The following L3MBTL1 variants were observed in gnomAD, a reference collection of about 807,000 sequenced individuals.
The protein encoded by L3MBTL1 is lethal(3)malignant brain tumor-like protein 1.
In L3MBTL1, 75 loss-of-function variants were observed where a neutral mutation model predicts 105.3. The ratio of observed to expected loss-of-function variants is 0.71; its 90% confidence interval spans 0.59 to 0.86. The LOEUF (loss-of-function observed/expected upper bound fraction) is 0.86. L3MBTL1 is among the 40% of genes least tolerant of loss of function. The pLI is 0.00. For missense variants in L3MBTL1, 1,069 were observed against 1,126.4 expected (o/e 0.95, Z 0.73); for synonymous variants, 452 against 436.2 (o/e 1.04, Z -0.45).
chr20:43,508,001 A>T (rs528492595), intron 1 of L3MBTL1, among the ~76,000 whole-genome samples: 2 of 152,146 alleles, frequency 1.3e-5, no homozygotes, highest in Non-Finnish European at 2.9e-5. Flanking sequence ...TCGGGCTGCG[A>T]TCAGGAGGGG....
At position 43,530,313 on chromosome 20, in the gene L3MBTL1, T is replaced by C; in HGVS notation, c.1086T>C (p.Phe362=). Residue 362 remains phenylalanine (F), a synonymous_variant, in exon 10 of 22, where the codon TTT becomes TTC. Coordinates refer to ENST00000418998, the MANE Select transcript of L3MBTL1 (RefSeq NM_001377303.1). ...EVCGYRLRLH[F]DGYSECHDFW... ...GTGGCTATCGCCTACGCCTGCACTTTGATGGGTATTCTGAGTGCCATGACT... is the reference window on the plus strand; with the variant it reads ...GTGGCTATCGCCTACGCCTGCACTTCGATGGGTATTCTGAGTGCCATGACT... 9 of 1,614,066 alleles carry C rather than the reference T, an allele frequency of 5.6e-6. No homozygotes were observed. The highest frequency in any genetic ancestry group is 7.6e-6 in the Non-Finnish European group (9 of 1,179,978).
At chr20:43,515,521 C>T (rs1024050344) in intron 6 of L3MBTL1, 106 bp downstream of exon 6, 346 of 1,394,094 alleles carry the variant, frequency 2.5e-4, no homozygotes, top group Non-Finnish European at 3.1e-4. Flanking sequence ...AGAGAAGACA[C>T]GCATAATGAC....
intron 7 of L3MBTL1, among the ~76,000 whole-genome samples, chr20:43,521,982 T>C (rs1470124690): frequency 6.6e-6 from 1 of 152,260 alleles, no homozygotes; most frequent in East Asian, 1.9e-4. Context: ...TTCTTCACAC[T>C]GTTCCTCTGA....
At chr20:43,546,083 G>C (rs1978581435), downstream of L3MBTL1, among the ~76,000 whole-genome samples, 1 of 152,262 alleles carries the variant, frequency 6.6e-6, no homozygotes, top group Admixed American at 6.5e-5. Flanking sequence ...GGAGTTTGTG[G>C]AACTGTGTGA....
At chr20:43,540,588 G>A (rs1381516487) in intron 20 of L3MBTL1, among the ~76,000 whole-genome samples, 165 bp from the exon 21 acceptor site, 2 of 152,126 alleles carry the variant, frequency 1.3e-5, no homozygotes, top group Non-Finnish European at 2.9e-5. Flanking sequence ...AGAAGCAAGG[G>A]GCCCAACTTG....
intron 16 of L3MBTL1, 26 bp from the exon 17 acceptor site, chr20:43,535,811 G>C: frequency 6.7e-7 from 1 of 1,492,266 alleles, no homozygotes; most frequent in Non-Finnish European, 9.1e-7. Flanking sequence ...GACTCCATGA[G>C]GACCGCCTCC....
At chr20:43,530,609 C>T in intron 10 of L3MBTL1, 189 bp from the exon 11 acceptor site, 2 of 776,730 alleles carry the variant, frequency 2.6e-6, no homozygotes, top group South Asian at 1.8e-5. Flanking sequence ...AGAACTTCCG[C>T]TTTGCACTTG....
Position 43,534,032 on chromosome 20 carries a change from GT to G in L3MBTL1, c.1540del (p.Trp514GlyfsTer30). The G allele has an allele frequency of 6.2e-7, 1 of 1,614,042 alleles. No individual in the cohort carries two copies. The highest frequency in any genetic ancestry group is 8.5e-7 in the Non-Finnish European group (1 of 1,179,976). On this transcript the variant is annotated frameshift_variant, in exon 14 of 22. Coordinates refer to ENST00000418998, the MANE Select transcript of L3MBTL1 (RefSeq NM_001377303.1). LOFTEE classifies it high-confidence loss of function. ...GACTACCCAGACCCTGATAACTTCT[GT>G]TGGGAGAAATATCTGGAAGAAACTG... The part of the protein sequence containing the change: ...PQDYPDPDNF[C>X]WEKYLEETGA...
intron 19 of L3MBTL1, chr20:43,539,908 G>A (rs4812718): frequency 0.033 from 19,626 of 599,984 alleles, 493 homozygotes; most frequent in Admixed American, 0.082. Context: ...GAGAGACGGG[G>A]TGAGGGTCAT....
chr20:43,531,077 T>C (rs1419772600), intron 11 of L3MBTL1, 188 bp downstream of exon 11: 1 of 587,984 alleles, frequency 1.7e-6, no homozygotes, highest in East Asian at 2.9e-5. Flanking sequence ...AAGCTGGTTA[T>C]AGGTTTTTCC....
At chr20:43,525,596 A>G (rs2018989211) in intron 7 of L3MBTL1, among the ~76,000 whole-genome samples, 1 of 152,194 alleles carries the variant, frequency 6.6e-6, no homozygotes, top group Non-Finnish European at 1.5e-5. Context: ...GTTTAGGGAT[A>G]TGCCTAAGAG....
chr20:43,521,325 G>T (rs1318969475), intron 7 of L3MBTL1, among the ~76,000 whole-genome samples: 1 of 152,178 alleles, frequency 6.6e-6, no homozygotes, highest in Non-Finnish European at 1.5e-5. Context: ...TGAAAGGTCT[G>T]ACTAGAGCCA....
chr20:43,543,248 C>T (rs1252618743), downstream of L3MBTL1, among the ~76,000 whole-genome samples: 1 of 152,182 alleles, frequency 6.6e-6, no homozygotes, highest in Non-Finnish European at 1.5e-5. Context: ...ACAGCTTGCA[C>T]ATTTGATAAC....
At chr20:43,528,946 G>A (rs2019179966) in intron 8 of L3MBTL1, 9 of 608,988 alleles carry the variant, frequency 1.5e-5, no homozygotes, top group Admixed American at 1.5e-4. Flanking sequence ...ACAGAGAGGT[G>A]GAAGCTAGGC....
Position 43,514,712 on chromosome 20 carries a change from C to A in L3MBTL1, c.438C>A (p.Gly146=). The A allele has an allele frequency of 1.9e-6, 3 of 1,581,662 alleles. No homozygotes were observed. Among genetic ancestry groups the A allele is most frequent in the Non-Finnish European group, 2.6e-6 (3 of 1,164,174 alleles). Residue 146 remains glycine, a synonymous_variant, in exon 4 of 22, where the codon GGC becomes GGA. Coordinates refer to ENST00000418998, the MANE Select transcript of L3MBTL1 (RefSeq NM_001377303.1). The part of the protein sequence containing the change: ...QPPSPELRQE[G]VTEYEDGGAP... ...CGAGCCCCGAGCTGCGGCAGGAAGG[C>A]GTGACCGAATACGAAGATGGCGGGG...
chr20:43,519,336 C>CA (rs35982746), intron 7 of L3MBTL1, among the ~76,000 whole-genome samples: 25,012 of 89,868 alleles, frequency 0.28, 3,136 homozygotes, highest in East Asian at 0.48. Context: ...AACCCTGACT[C>CA]AAAAAAAAAA....
intron 19 of L3MBTL1, chr20:43,539,904 C>T (rs1413382523): frequency 1.9e-5 from 11 of 586,040 alleles, no homozygotes; most frequent in Middle Eastern, 4.6e-4. Context: ...CTCAGAGAGA[C>T]GGGGTGAGGG....
intron 19 of L3MBTL1, among the ~76,000 whole-genome samples, chr20:43,536,790 C>T (rs1026039382): frequency 6.6e-6 from 1 of 152,184 alleles, no homozygotes; most frequent in African/African-American, 2.4e-5. Context: ...GAGGCCATGG[C>T]CATCACTTTC....
chr20:43,513,573 C>T lies in L3MBTL1; in HGVS notation c.70C>T (p.His24Tyr). The T allele has an allele frequency of 6.4e-7, 1 of 1,550,652 alleles. No homozygotes were observed. The highest frequency in any genetic ancestry group is 2.0e-5 in the Admixed American group (1 of 51,002). The change falls in exon 2 of 22, where the codon CAC (histidine) becomes TAC (tyrosine). Residue 24 changes from histidine to tyrosine, a missense_variant. Physicochemically the swap from His to Tyr is moderately conservative, Grantham distance 83 (BLOSUM62 2). Transcript: ENST00000418998. ...GCCTTCCACAGGGGAGGTCAGCATG[C>T]ACTTGGTGGCCGGAGACAGCCCCGG... ...KGPSTGEVSM[H>Y]LVAGDSPGSG... is the part of the protein sequence containing the mutation.
Sources: allele counts gnomAD v4.1 joint callset (sites outside exome capture counted in the v4.1 genomes callset), GRCh38; gene constraint gnomAD v4.1.1; transcripts MANE v1.5; gene names NCBI Gene and HGNC (gene_info 2026-07-23, HGNC 2026-07-21).